The following TP53AIP1 variants were observed in gnomAD, a reference collection of about 807,000 sequenced individuals.
The protein encoded by TP53AIP1 is p53-regulated apoptosis-inducing protein 1.
TP53AIP1 carries 14 observed loss-of-function variants against 9.5 expected under a neutral mutation model. The ratio of observed to expected loss-of-function variants is 1.47; its 90% confidence interval spans 0.97 to 2.30. TP53AIP1 has a LOEUF of 2.30. TP53AIP1 is among the 30% of genes most tolerant of loss of function. The probability of loss-of-function intolerance (pLI) is 0.00; values close to 1 mark genes in which losing one functional copy is unlikely to be tolerated. For missense variants in TP53AIP1, 153 were observed against 146.7 expected, an observed-to-expected ratio of 1.04 and a Z score of -0.22; for synonymous variants, 73 against 61.2, an observed-to-expected ratio of 1.19 and a Z score of -0.90.
intron 3 of TP53AIP1, chr11:128,935,955 G>A: frequency 8.4e-7 from 1 of 1,196,780 alleles, no homozygotes; most frequent in Non-Finnish European, 1.1e-6. Flanking sequence ...ATATGCTAAT[G>A]ATAACAGTAA....
At position 128,937,808 on chromosome 11, in the gene TP53AIP1, GA is replaced by G; in HGVS notation, c.10del (p.Ser4ProfsTer30). Reference protein sequence around the residue: MGSSSEASFRSAQA... With the variant: MGSXSEASFRSAQA... ...AGCAGATCTGAAGCTCGCCTCAGAG[GA>G]AGATCCCATCCAGGGGAGGCCCTGT... is the stretch of plus-strand genomic sequence containing the variant. On this transcript the variant is annotated frameshift_variant, in exon 2 of 4. Coordinates refer to ENST00000531399, the MANE Select transcript of TP53AIP1 (RefSeq NM_022112.3). LOFTEE classifies it high-confidence loss of function. This position sits in a 1 kb window ranked among gnomAD's most constrained non-coding sequence, Gnocchi z 4.8. 1 of 1,610,204 alleles carries G rather than the reference GA, an allele frequency of 6.2e-7. No homozygotes were observed. Among genetic ancestry groups the G allele is most frequent in the Non-Finnish European group, 8.5e-7 (1 of 1,178,268 alleles).
At chr11:128,938,978 C>T (rs538019999) in intron 1 of TP53AIP1, among the ~76,000 whole-genome samples, 6 of 152,288 alleles carry the variant, frequency 3.9e-5, no homozygotes, top group East Asian at 1.9e-4. Context: ...CTAGTCAATT[C>T]GGACCAGTTT....
At chr11:128,941,354 C>T (rs1944938646) in intron 1 of TP53AIP1, among the ~76,000 whole-genome samples, 1 of 152,176 alleles carries the variant, frequency 6.6e-6, no homozygotes, top group African/African-American at 2.4e-5. Context: ...GGAAGACCTC[C>T]CTAACCTCCT....
chr11:128,939,521 A>G lies in TP53AIP1; in HGVS notation c.-76-1627T>C, dbSNP rs1944901072. Among the ~76,000 whole-genome samples the G allele has an allele frequency of 6.6e-6, 1 of 152,202 alleles. No homozygotes were observed. The highest frequency in any genetic ancestry group is 2.1e-4 in the South Asian group (1 of 4,828). On this transcript the variant is annotated intron_variant, in intron 1 of 3. Transcript: ENST00000531399. This position sits in a 1 kb window ranked among gnomAD's most constrained non-coding sequence, Gnocchi z 4.1. ...ACAGGATTCTCCAGAGTTCACACCT[A>G]TGCATCTGGTTCAATGCTGGGCATT... is the stretch of plus-strand genomic sequence containing the variant.
intron 1 of TP53AIP1, among the ~76,000 whole-genome samples, chr11:128,940,863 G>A (rs572149150): frequency 3.9e-5 from 6 of 152,310 alleles, no homozygotes; most frequent in South Asian, 4.1e-4. Flanking sequence ...AGGTGCCCCC[G>A]CTAGTGTCAG....
intron 3 of TP53AIP1, chr11:128,936,035 G>A: frequency 1.3e-6 from 1 of 778,122 alleles, no homozygotes; most frequent in Non-Finnish European, 1.6e-6. Context: ...CCCACACAGT[G>A]AATCTGTGAG....
downstream of TP53AIP1, chr11:128,935,135 A>C (rs1337690063): frequency 4.1e-6 from 3 of 733,580 alleles, no homozygotes; most frequent in Non-Finnish European, 7.2e-6. Flanking sequence ...CAGCTGGGGG[A>C]CACCCAGCGG....
chr11:128,939,469 T>C lies in TP53AIP1; in HGVS notation c.-76-1575A>G, dbSNP rs1944900135. Among the ~76,000 whole-genome samples, 1 of 152,180 alleles carries C rather than the reference T, an allele frequency of 6.6e-6. No individual in the cohort carries two copies. The highest frequency in any genetic ancestry group is 6.5e-5 in the Admixed American group (1 of 15,278). On this transcript the variant is annotated intron_variant, in intron 1 of 3. Coordinates refer to ENST00000531399, the MANE Select transcript of TP53AIP1 (RefSeq NM_022112.3). This position sits in a 1 kb window ranked among gnomAD's most constrained non-coding sequence, Gnocchi z 4.1. ...GAGGTGAAGAGTTTGAGCTGGTGCC[T>C]ACACCTCCGTCTTCCAGCCACTGAA...
chr11:128,936,005 A>T, intron 3 of TP53AIP1: 1 of 876,982 alleles, frequency 1.1e-6, no homozygotes, highest in South Asian at 4.3e-5. Context: ...TGTTCTTAGC[A>T]TTTCATATCT....
At position 128,939,228 on chromosome 11, in the gene TP53AIP1, G is replaced by C. The variant is rs547063201; in HGVS notation, c.-76-1334C>G. 1.4e-4 allele frequency among the ~76,000 whole-genome samples: 22 copies of C among 152,222 alleles called. No homozygotes were observed. The highest frequency in any genetic ancestry group is 3.4e-3 in the Middle Eastern group (1 of 294). The stretch of plus-strand genomic sequence containing the variant: ...CGGCTCCCTTCCCCATCTGGTTCTG[G>C]GGAAGACACTCTGCACGCAGCCCCC... On this transcript the variant is annotated intron_variant, in intron 1 of 3. Transcript: ENST00000531399. The surrounding 1 kb of genome is among the most constrained non-coding windows in gnomAD (Gnocchi z 4.1).
chr11:128,938,600 C>T (rs575895765), intron 1 of TP53AIP1, among the ~76,000 whole-genome samples: 1 of 152,294 alleles, frequency 6.6e-6, no homozygotes, highest in Non-Finnish European at 1.5e-5. Context: ...CAGTCTTCCC[C>T]GTCCCTGTTC....
chr11:128,935,600 C>T lies in TP53AIP1; in HGVS notation c.366G>A (p.Arg122=). ...LSYDQKKAPL[R]LQ ...GTGGCGTGATCTCGGCTCACTGCAACCTCAACGGTGCTTTTTTCTGATCAT... is the reference window on the plus strand; with the variant it reads ...GTGGCGTGATCTCGGCTCACTGCAATCTCAACGGTGCTTTTTTCTGATCAT... The change falls in exon 4 of 4, where the codon AGG becomes AGA. Residue 122 remains arginine (R), a synonymous_variant. Transcript: ENST00000531399. 1 of 1,571,292 alleles carries T rather than the reference C, an allele frequency of 6.4e-7. No homozygotes were observed. The highest frequency in any genetic ancestry group is 8.6e-7 in the Non-Finnish European group (1 of 1,166,226).
At position 128,937,282 on chromosome 11, in the gene TP53AIP1, G is replaced by A. The variant is rs538541577; in HGVS notation, c.141+396C>T. 79 of 1,327,326 alleles carry A rather than the reference G, an allele frequency of 6.0e-5. No individual in the cohort carries two copies. Among genetic ancestry groups the A allele is most frequent in the Admixed American group, 2.5e-4 (7 of 28,560 alleles). 82.2% of individuals were successfully genotyped at this position (1,327,326 alleles called of 1,614,324 possible). A position where few individuals can be genotyped will look rare whatever the true frequency, so the allele number is the denominator to read the frequency against. On this transcript the variant is annotated intron_variant, in intron 2 of 3. Transcript: ENST00000531399. The surrounding 1 kb of genome is among the most constrained non-coding windows in gnomAD (Gnocchi z 4.8). Reference sequence around the variant, plus strand: ...GGGGTGGACGCAGAAGAGCAGGCCCGGAGCCCTGCACCCCAGCCTTCCCTC... The same window carrying A: ...GGGGTGGACGCAGAAGAGCAGGCCCAGAGCCCTGCACCCCAGCCTTCCCTC...
rs746508990 is a variant in TP53AIP1, at chr11:128,936,603, C to T, written c.188G>A (p.Arg63Gln). ...CGAGACTGACAGAGCTTCTATTCCCCGGCACCCTCCGTGAACTTGGGCACC... is the reference window on the plus strand; with the variant it reads ...CGAGACTGACAGAGCTTCTATTCCCTGGCACCCTCCGTGAACTTGGGCACC... ...VLGAQVHGGCRGIEALSVSSG... is the reference protein window; with the variant it reads ...VLGAQVHGGCQGIEALSVSSG... The change falls in exon 3 of 4, where the codon CGG (arginine) becomes CAG (glutamine). Residue 63 changes from arginine (R) to glutamine (Q), a missense_variant. Coordinates refer to ENST00000531399, the MANE Select transcript of TP53AIP1 (RefSeq NM_022112.3). 31 of 1,588,432 alleles carry T rather than the reference C, an allele frequency of 2.0e-5. No individual in the cohort carries two copies. Among genetic ancestry groups the T allele is most frequent in the African/African-American group, 1.9e-4 (14 of 74,666 alleles).
At position 128,936,567 on chromosome 11, in the gene TP53AIP1, C is replaced by G. The variant is rs370056266; in HGVS notation, c.224G>C (p.Trp75Ser). The G allele has an allele frequency of 6.0e-4, 954 of 1,583,734 alleles. 1 individual carries two copies. The highest frequency in any genetic ancestry group is 7.7e-4 in the Non-Finnish European group (902 of 1,173,098). Reference sequence around the variant, plus strand: ...CAGGATCCAGACAGTTGCTGAGGACCAAGATCCAGACGAGACTGACAGAGC... The same window carrying G: ...CAGGATCCAGACAGTTGCTGAGGACGAAGATCCAGACGAGACTGACAGAGC... ...IEALSVSSGS[W>S]SSATVWILTG... Residue 75 changes from tryptophan (W) to serine (S), a missense_variant, in exon 3 of 4, where the codon TGG becomes TCG. Trp to Ser is a radical substitution (Grantham distance 177). Coordinates refer to ENST00000531399, the MANE Select transcript of TP53AIP1 (RefSeq NM_022112.3).
At chr11:128,934,951 TC>T, downstream of TP53AIP1, 1 of 701,954 alleles carries the variant, frequency 1.4e-6, no homozygotes, top group Non-Finnish European at 2.6e-6. Flanking sequence ...CCAATGCTTT[TC>T]CCCCATTGGT....
intron 1 of TP53AIP1, among the ~76,000 whole-genome samples, chr11:128,942,018 A>G (rs189205428): frequency 9.5e-4 from 138 of 145,728 alleles, no homozygotes; most frequent in African/African-American, 3.1e-3. Context: ...GCTATCATCA[A>G]TCTTCTGGGG....
At chr11:128,936,366 T>C (rs1944823622) in intron 3 of TP53AIP1, 172 bp downstream of exon 3, 1 of 1,403,856 alleles carries the variant, frequency 7.1e-7, no homozygotes, top group Admixed American at 3.2e-5. Flanking sequence ...ATAAAATACA[T>C]CCACAGCAGT....
chr11:128,941,484 C>T (rs1022600008), intron 1 of TP53AIP1, among the ~76,000 whole-genome samples: 1 of 152,188 alleles, frequency 6.6e-6, no homozygotes, highest in Non-Finnish European at 1.5e-5. Context: ...TAATGGGTTG[C>T]CTCAGCCCCC....
Sources: allele counts gnomAD v4.1 joint callset (sites outside exome capture counted in the v4.1 genomes callset), GRCh38; gene constraint gnomAD v4.1.1; non-coding constraint Gnocchi (gnomAD v3.1); transcripts MANE v1.5; gene names NCBI Gene and HGNC (gene_info 2026-07-23, HGNC 2026-07-21).